Variants in SKIC2 observed in about 807,000 individuals in gnomAD.
The protein encoded by SKIC2 is SKI2 subunit of superkiller complex.
At chr6:31,964,052 A>C in the SKIC2 span, 2 of 1,612,534 alleles carry the variant, frequency 1.2e-6, no homozygotes, top group Non-Finnish European at 1.7e-6. The surrounding 1 kb of genome is among the most constrained non-coding windows in gnomAD (Gnocchi z 5.0). Flanking sequence ...ACCAGTTCGG[A>C]GAAGAGCGAG....
At chr6:31,968,280 G>T in the SKIC2 span, 111,445 of 1,528,424 alleles carry the variant, frequency 0.073, 4,887 homozygotes, top group African/African-American at 0.14. This position sits in a 1 kb window ranked among gnomAD's most constrained non-coding sequence, Gnocchi z 6.1. Flanking sequence ...GAGGCTTCTG[G>T]GGGAGAGAAG....
the SKIC2 span, chr6:31,965,922 C>G: frequency 6.2e-7 from 1 of 1,613,056 alleles, no homozygotes; most frequent in South Asian, 1.1e-5. This position sits in a 1 kb window ranked among gnomAD's most constrained non-coding sequence, Gnocchi z 5.6. Flanking sequence ...GCAGGCCGGG[C>G]AGGGCGGAGG....
chr6:31,964,112 G>A, the SKIC2 span: 4 of 1,612,416 alleles, frequency 2.5e-6, no homozygotes, highest in Admixed American at 1.7e-5. The surrounding 1 kb of genome is among the most constrained non-coding windows in gnomAD (Gnocchi z 5.0). Context: ...GGCTCTGACC[G>A]CCAGCTGCCC....
the SKIC2 span, chr6:31,960,266 G>A: frequency 1.2e-6 from 2 of 1,613,176 alleles, no homozygotes; most frequent in East Asian, 2.2e-5. Context: ...GGCTGTCCTG[G>A]GAGCCCCAGT....
chr6:31,962,986 G>A, the SKIC2 span: 28 of 1,608,644 alleles, frequency 1.7e-5, no homozygotes, highest in African/African-American at 2.0e-4. This position sits in a 1 kb window ranked among gnomAD's most constrained non-coding sequence, Gnocchi z 5.0. Context: ...TGTGCCCAGC[G>A]TGGGGTCGTG....
chr6:31,967,076 C>A, the SKIC2 span: 2 of 1,612,974 alleles, frequency 1.2e-6, no homozygotes, highest in Non-Finnish European at 1.7e-6. This position sits in a 1 kb window ranked among gnomAD's most constrained non-coding sequence, Gnocchi z 4.9. Context: ...GACTGGCCAA[C>A]TGGTCGACCT....
the SKIC2 span, chr6:31,969,040 G>A: frequency 6.2e-7 from 1 of 1,612,406 alleles, no homozygotes; most frequent in Middle Eastern, 1.7e-4. This position sits in a 1 kb window ranked among gnomAD's most constrained non-coding sequence, Gnocchi z 6.1. Flanking sequence ...GGCCTGGTCT[G>A]CCAGAGCCCT....
At chr6:31,961,693 TCA>T in the SKIC2 span, 1 of 1,609,058 alleles carries the variant, frequency 6.2e-7, no homozygotes, top group Non-Finnish European at 8.5e-7. Flanking sequence ...GGCCCCATCT[TCA>T]CACGCTCCTC....
the SKIC2 span, chr6:31,967,273 C>T: frequency 8.1e-6 from 13 of 1,612,562 alleles, no homozygotes; most frequent in African/African-American, 4.0e-5. This position sits in a 1 kb window ranked among gnomAD's most constrained non-coding sequence, Gnocchi z 4.9. Context: ...TGCTCTTCAG[C>T]GACGCATCAT....
chr6:31,960,681 C>T, the SKIC2 span: 3 of 1,587,158 alleles, frequency 1.9e-6, no homozygotes, highest in Non-Finnish European at 2.6e-6. Context: ...ATGGATGAAC[C>T]CACCATAACA....
the SKIC2 span, chr6:31,963,634 C>T: frequency 6.5e-7 from 1 of 1,541,716 alleles, no homozygotes; most frequent in Non-Finnish European, 8.7e-7. This position sits in a 1 kb window ranked among gnomAD's most constrained non-coding sequence, Gnocchi z 5.3. Flanking sequence ...CCCTGTGCCC[C>T]AGGTACTATG....
the SKIC2 span, chr6:31,966,601 GT>G: frequency 2.6e-6 from 3 of 1,172,080 alleles, no homozygotes; most frequent in Non-Finnish European, 3.7e-6. This position sits in a 1 kb window ranked among gnomAD's most constrained non-coding sequence, Gnocchi z 5.9. Context: ...AGGCCCCATG[GT>G]TGCAGAGCTA....
chr6:31,964,269 G>T, the SKIC2 span: 2 of 1,613,078 alleles, frequency 1.2e-6, no homozygotes, highest in Non-Finnish European at 1.7e-6. This position sits in a 1 kb window ranked among gnomAD's most constrained non-coding sequence, Gnocchi z 5.0. Context: ...CGCGGCCTGG[G>T]TGTGCACCAT....
chr6:31,967,875 C>G, the SKIC2 span: 1 of 1,612,928 alleles, frequency 6.2e-7, no homozygotes, highest in South Asian at 1.1e-5. The surrounding 1 kb of genome is among the most constrained non-coding windows in gnomAD (Gnocchi z 4.9). Context: ...GAGAGTGTGG[C>G]AGATGTCTGT....
chr6:31,961,246 C>G, the SKIC2 span: 2 of 1,612,796 alleles, frequency 1.2e-6, no homozygotes, highest in Admixed American at 1.7e-5. Context: ...TATGTTGGAG[C>G]CTCTGGATTT....
the SKIC2 span, chr6:31,967,289 CTG>C: frequency 1.2e-6 from 2 of 1,612,894 alleles, no homozygotes; most frequent in African/African-American, 2.7e-5. This position sits in a 1 kb window ranked among gnomAD's most constrained non-coding sequence, Gnocchi z 4.9. Flanking sequence ...ATCATGGAGT[CTG>C]TGAACGGGCT....
chr6:31,962,881 GC>G, the SKIC2 span: 1 of 1,299,762 alleles, frequency 7.7e-7, no homozygotes, highest in Non-Finnish European at 1.1e-6. The surrounding 1 kb of genome is among the most constrained non-coding windows in gnomAD (Gnocchi z 5.0). Context: ...CACACTCAGG[GC>G]CCCTTACTGC....
the SKIC2 span, chr6:31,963,889 T>C: frequency 7.5e-6 from 12 of 1,590,466 alleles, no homozygotes; most frequent in Non-Finnish European, 1.0e-5. The surrounding 1 kb of genome is among the most constrained non-coding windows in gnomAD (Gnocchi z 5.3). Context: ...CCTCTGCTCC[T>C]TCCCCTTCCC....
chr6:31,965,324 A>G, the SKIC2 span, among the ~76,000 whole-genome samples: 2 of 152,264 alleles, frequency 1.3e-5, no homozygotes, highest in South Asian at 2.1e-4. This position sits in a 1 kb window ranked among gnomAD's most constrained non-coding sequence, Gnocchi z 5.6. Context: ...GGATGCACCC[A>G]TAGAGTGTTC....
Sources: allele counts gnomAD v4.1 joint callset (sites outside exome capture counted in the v4.1 genomes callset), GRCh38; gene constraint gnomAD v4.1.1; non-coding constraint Gnocchi (gnomAD v3.1); transcripts MANE v1.5; gene names NCBI Gene and HGNC (gene_info 2026-07-23, HGNC 2026-07-21).